Variants in ANKRA2 observed in about 807,000 individuals in gnomAD.
ANKRA2 encodes the protein ankyrin repeat family A protein 2.
Under a neutral mutation model 37.8 loss-of-function variants are expected in ANKRA2, and 33 were observed. The ratio of observed to expected loss-of-function variants is 0.87; its 90% CI spans 0.66 to 1.17. ANKRA2 has a LOEUF of 1.17. Among genes scored for constraint, ANKRA2 ranks in the 50% most tolerant of loss-of-function variants. ANKRA2 has a pLI of 0.00. For missense variants in ANKRA2, 326 were observed against 373.7 expected (o/e 0.87, Z 1.05); for synonymous variants, 126 against 132.3 (o/e 0.95, Z 0.33).
At chr5:73,557,720 C>A in intron 3 of ANKRA2, 80 bp from the exon 4 acceptor site, 4 of 987,396 alleles carry the variant, frequency 4.1e-6, no homozygotes, top group Non-Finnish European at 6.0e-6. Flanking sequence ...TTTGTGTCAC[C>A]AATTTTCTTT....
Position 73,561,180 on chromosome 5 carries a change from G to A in ANKRA2, c.398C>T (p.Thr133Ile). ...GACCTCATTTCCTCTGTGTTTGTTG[G>A]TTAAAGTGGTTGACTGTTTTATGGG... ...FSPIKQSTTL[T>I]NKHRGNEVST... The change falls in exon 3 of 9, where the codon ACC (threonine) becomes ATC (isoleucine). Residue 133 changes from threonine (T) to isoleucine (I), a missense_variant. Thr to Ile is a moderately conservative substitution (Grantham distance 89, BLOSUM62 -1). Around this residue, in one of 3 missense-constraint regions of ANKRA2, gnomAD observed 228 missense variants for 260.2 expected, o/e 0.88. Coordinates refer to ENST00000296785, the MANE Select transcript of ANKRA2 (RefSeq NM_023039.5). 6.2e-7 allele frequency: 1 copy of A among 1,614,020 alleles called. No individual in the cohort carries two copies. The highest frequency in any genetic ancestry group is 8.5e-7 in the Non-Finnish European group (1 of 1,179,968).
intron 1 of ANKRA2, among the ~76,000 whole-genome samples, chr5:73,563,949 A>C (rs1296761123): frequency 6.6e-6 from 1 of 152,138 alleles, no homozygotes; most frequent in African/African-American, 2.4e-5. Context: ...CAGGTCAGGT[A>C]ATCATATGTC....
rs16876100 is a variant in ANKRA2, at chr5:73,552,472, C to T, written c.*325G>A. ...TATATAAAGTGAATGACTTAATACA[C>T]GAGTGAAGATGACTAGGGTAGAATA... On this transcript the variant is annotated 3_prime_UTR_variant, in exon 9 of 9. Transcript: ENST00000296785. 4,297 of 200,438 alleles carry T rather than the reference C, an allele frequency of 0.021. 192 individuals are homozygous for T. Among genetic ancestry groups the T allele is most frequent in the African/African-American group, 0.094 (3,999 of 42,380 alleles). The allele number at this position is 200,438 out of a possible 1,614,324, so 12.4% of individuals were successfully genotyped here. A position where few individuals can be genotyped will look rare whatever the true frequency, so the allele number is the denominator to read the frequency against.
At chr5:73,557,411 CT>C (rs80067963) in intron 4 of ANKRA2, 163 bp downstream of exon 4, 1,494 of 192,662 alleles carry the variant, frequency 7.8e-3, no homozygotes, top group Middle Eastern at 0.014. Flanking sequence ...CTTTATATTC[CT>C]TTTTTTTTTT....
Position 73,552,324 on chromosome 5 carries a change from A to T in ANKRA2, c.*473T>A, listed in dbSNP as rs1390241261. 6.5e-6 allele frequency: 1 copy of T among 153,020 alleles called. No homozygotes were observed. Among genetic ancestry groups the T allele is most frequent in the Non-Finnish European group, 1.5e-5 (1 of 68,368 alleles). The allele number at this position is 153,020 out of a possible 1,614,324, so 9.5% of individuals were successfully genotyped here. A position where few individuals can be genotyped will look rare whatever the true frequency, so the allele number is the denominator to read the frequency against. Reference sequence around the variant, plus strand: ...AATAATCTTATATACTTAAAAAAGTAGTATGCAAACTGACAGAAGAAGTAT... The same window carrying T: ...AATAATCTTATATACTTAAAAAAGTTGTATGCAAACTGACAGAAGAAGTAT... On this transcript the variant is annotated 3_prime_UTR_variant, in exon 9 of 9. Coordinates refer to ENST00000296785, the MANE Select transcript of ANKRA2 (RefSeq NM_023039.5).
At chr5:73,564,067 A>C (rs1216383830) in intron 1 of ANKRA2, among the ~76,000 whole-genome samples, 1 of 151,406 alleles carries the variant, frequency 6.6e-6, no homozygotes, top group East Asian at 1.9e-4. Context: ...ACAAAGCCAA[A>C]ATCTCCACGA....
chr5:73,560,298 C>T (rs963065365), intron 3 of ANKRA2, among the ~76,000 whole-genome samples: 5 of 152,022 alleles, frequency 3.3e-5, no homozygotes, highest in Admixed American at 2.6e-4. Flanking sequence ...CTTATTTTTT[C>T]GTGGTGTAAA....
chr5:73,555,412 C>A, intron 5 of ANKRA2, 76 bp downstream of exon 5: 1 of 1,574,244 alleles, frequency 6.4e-7, no homozygotes, highest in Non-Finnish European at 8.6e-7. Flanking sequence ...ATCTAGCTGG[C>A]TGGATATATA....
intron 2 of ANKRA2, 116 bp from the exon 3 acceptor site, chr5:73,561,404 A>G: frequency 1.0e-6 from 1 of 963,374 alleles, no homozygotes; most frequent in Non-Finnish European, 1.5e-6. Context: ...ACTATTTATC[A>G]AGTGATACTA....
intron 3 of ANKRA2, among the ~76,000 whole-genome samples, chr5:73,558,045 C>A (rs1180791494): frequency 6.6e-6 from 1 of 151,894 alleles, no homozygotes; most frequent in African/African-American, 2.4e-5. Context: ...CCACTGCACT[C>A]CAGTCTGGGT....
intron 3 of ANKRA2, among the ~76,000 whole-genome samples, chr5:73,560,821 G>T (rs115559021): frequency 1.5e-4 from 23 of 152,184 alleles, no homozygotes; most frequent in African/African-American, 5.5e-4. Context: ...CCCAGCCTCT[G>T]GTAAACACCA....
At chr5:73,564,477 C>T (rs1220858546) in intron 1 of ANKRA2, among the ~76,000 whole-genome samples, 1 of 152,232 alleles carries the variant, frequency 6.6e-6, no homozygotes, top group East Asian at 1.9e-4. Flanking sequence ...CTTGGTCCTA[C>T]CAGGTGCTCC....
At position 73,562,606 on chromosome 5, in the gene ANKRA2, A is replaced by G. The variant is rs752715274; in HGVS notation, c.276T>C (p.Ser92=). 6.2e-7 allele frequency: 1 copy of G among 1,613,178 alleles called. No homozygotes were observed. The highest frequency in any genetic ancestry group is 2.2e-5 in the East Asian group (1 of 44,860). Residue 92 remains serine, a synonymous_variant, in exon 2 of 9, where the codon TCT becomes TCC. Transcript: ENST00000296785. The stretch of plus-strand genomic sequence containing the variant: ...ATAACTTTCAACCTTTAAATAGGAC[A>G]GATGCCACCTCCAGGTCAGAGTTAA... ...DQVNSDLEVA[S]VLFKAECNIH...
intron 1 of ANKRA2, among the ~76,000 whole-genome samples, chr5:73,564,312 C>CT (rs1215048767): frequency 6.6e-6 from 1 of 152,130 alleles, no homozygotes; most frequent in Non-Finnish European, 1.5e-5. Flanking sequence ...CAGCGGTTGG[C>CT]TAAGTGCAAC....
chr5:73,561,027 T>C lies in ANKRA2; in HGVS notation c.448+103A>G, dbSNP rs1580380210. 1.2e-5 allele frequency: 15 copies of C among 1,240,542 alleles called. No individual in the cohort carries two copies. In the East Asian group the frequency reaches 3.4e-4, roughly 28 times the overall value. The allele number at this position is 1,240,542 out of a possible 1,614,324, so 76.8% of individuals were successfully genotyped here. A position where few individuals can be genotyped will look rare whatever the true frequency, so the allele number is the denominator to read the frequency against. On this transcript the variant is annotated intron_variant, in intron 3 of 8. Coordinates refer to ENST00000296785, the MANE Select transcript of ANKRA2 (RefSeq NM_023039.5). ...TTCCATTGTGTAGTATAACACATTTTCTTTATCCAGAAAATATGCATTTAA... is the reference window on the plus strand; with the variant it reads ...TTCCATTGTGTAGTATAACACATTTCCTTTATCCAGAAAATATGCATTTAA...
intron 3 of ANKRA2, among the ~76,000 whole-genome samples, chr5:73,558,467 G>C (rs1392816414): frequency 6.6e-6 from 1 of 152,118 alleles, no homozygotes; most frequent in African/African-American, 2.4e-5. Context: ...TTTATTTCGA[G>C]ATTCTATGGG....
rs755023800 is a variant in ANKRA2 at position 73,561,263 on chromosome 5, A to AG, written c.314dup (p.Ser106PhefsTer35). ...CATGCCTTACTTGAATTCCCGGAGA[A>AG]GGAGATGTATGGATATTGCATTCAG... On this transcript the variant is annotated frameshift_variant, in exon 3 of 9. Transcript: ENST00000296785. LOFTEE classifies it high-confidence loss of function. The AG allele has an allele frequency of 1.2e-6, 2 of 1,613,358 alleles. No homozygotes were observed. Among genetic ancestry groups the AG allele is most frequent in the Non-Finnish European group, 1.7e-6 (2 of 1,179,460 alleles).
intron 3 of ANKRA2, among the ~76,000 whole-genome samples, chr5:73,559,412 C>T (rs1747485180): frequency 6.6e-6 from 1 of 151,842 alleles, no homozygotes; most frequent in Non-Finnish European, 1.5e-5. Context: ...GAAAAACTTC[C>T]TCTACAATGA....
At chr5:73,561,459 G>A in intron 2 of ANKRA2, 171 bp from the exon 3 acceptor site, 1 of 686,794 alleles carries the variant, frequency 1.5e-6, no homozygotes, top group South Asian at 2.1e-5. Flanking sequence ...TTTGCATAAT[G>A]GTTAGTCAAA....
Sources: allele counts gnomAD v4.1 joint callset (sites outside exome capture counted in the v4.1 genomes callset), GRCh38; gene constraint gnomAD v4.1.1; regional missense constraint gnomAD v4.1.1; transcripts MANE v1.5; gene names NCBI Gene and HGNC (gene_info 2026-07-23, HGNC 2026-07-21).